The following SLC39A3 variants were observed in gnomAD, a reference collection of about 807,000 sequenced individuals.
The protein encoded by SLC39A3 is solute carrier family 39 member 3, also known as zinc transporter ZIP3.
In SLC39A3, 3 loss-of-function variants were observed where a neutral mutation model predicts 5.1. The observed-to-expected ratio is 0.59, with a 90% confidence interval of 0.27 to 1.54. SLC39A3 has a LOEUF of 1.54. SLC39A3 is among the 40% of genes most tolerant of loss of function. The pLI is 0.12. For missense variants in SLC39A3, 412 were observed against 436.4 expected (o/e 0.94, Z 0.50); for synonymous variants, 250 against 218.8 (o/e 1.14, Z -1.26).
Position 2,733,086 on chromosome 19 carries a change from C to T in SLC39A3, c.610G>A (p.Val204Met). The T allele has an allele frequency of 6.2e-7, 1 of 1,610,510 alleles. No individual in the cohort carries two copies. The highest frequency in any genetic ancestry group is 1.3e-5 in the African/African-American group (1 of 74,868). ...GCCACCAGTGTCTCGTGGACGGCCA[C>T]CCCCACGAACAGGCTCACCACTTTC... ...GEKVVSLFVG[V>M]AVHETLVAVA... Residue 204 changes from valine (V) to methionine (M), a missense_variant, in exon 3 of 3, where the codon GTG becomes ATG. By Grantham distance (21) the Val-to-Met change is conservative (BLOSUM62 1). Transcript: ENST00000269740. This position sits in a 1 kb window ranked among gnomAD's most constrained non-coding sequence, Gnocchi z 6.1.
chr19:2,738,504 G>A (rs768191703), intron 1 of SLC39A3, among the ~76,000 whole-genome samples: 7 of 152,104 alleles, frequency 4.6e-5, no homozygotes, highest in Non-Finnish European at 7.3e-5. Flanking sequence ...CGTGCCTCAG[G>A]ACCTCTGCAT....
intron 1 of SLC39A3, chr19:2,739,285 T>G (rs1254621625): frequency 6.6e-6 from 1 of 151,964 alleles, no homozygotes; most frequent in Non-Finnish European, 1.5e-5. Context: ...CCTGATGCAA[T>G]GGGCCAAAGT....
chr19:2,732,557 T>A lies in SLC39A3; in HGVS notation c.*194A>T. ...AGACTTTTAAGAGAAAGAAGTATTT[T>A]AAAAAGTAGCAGTGCTCTGAGGCTC... On this transcript the variant is annotated 3_prime_UTR_variant, in exon 3 of 3. Transcript: ENST00000269740. 7.0e-7 allele frequency: 1 copy of A among 1,426,564 alleles called. No homozygotes were observed. Among genetic ancestry groups the A allele is most frequent in the Non-Finnish European group, 9.1e-7 (1 of 1,094,974 alleles). The allele number at this position is 1,426,564 out of a possible 1,614,324, so 88.4% of individuals were successfully genotyped here. A position where few individuals can be genotyped will look rare whatever the true frequency, so the allele number is the denominator to read the frequency against.
In SLC39A3 at chr19:2,735,316, A is replaced by T. The variant is rs1418090067; in HGVS notation, c.210+1732T>A. 1 of 683,544 alleles carries T rather than the reference A, an allele frequency of 1.5e-6. No individual in the cohort carries two copies. The highest frequency in any genetic ancestry group is 1.8e-6 in the Non-Finnish European group (1 of 554,462). 42.3% of individuals were successfully genotyped at this position (683,544 alleles called of 1,614,324 possible). A position where few individuals can be genotyped will look rare whatever the true frequency, so the allele number is the denominator to read the frequency against. On this transcript the variant is annotated intron_variant, in intron 2 of 2. Transcript: ENST00000269740. The surrounding 1 kb of genome is among the most constrained non-coding windows in gnomAD (Gnocchi z 5.7). ...GCAGGAATGCGGTGTCTCGGCTCTG[A>T]ACGGTGGAAATCCAGGTGCGGGCTA...
intron 1 of SLC39A3, among the ~76,000 whole-genome samples, chr19:2,738,727 G>C (rs184082311): frequency 6.6e-6 from 1 of 151,882 alleles, no homozygotes; most frequent in South Asian, 2.1e-4. Flanking sequence ...ACCTGAGGTC[G>C]AGAGTTCAAG....
chr19:2,737,553 G>A (rs10424305), intron 1 of SLC39A3, 174 bp from the exon 2 acceptor site: 117,787 of 369,494 alleles, frequency 0.32, 21,798 homozygotes, highest in East Asian at 0.56. Flanking sequence ...TTACAGACAC[G>A]CGCCACCACT....
Position 2,737,190 on chromosome 19 carries a change from G to T in SLC39A3, c.68C>A (p.Ser23Tyr). ...CTCGATGATCTTCACGGGGAGCAGG[G>T]AGCCGAGCAGCATGAAGAAGAACAC... Reference protein sequence around the residue: ...VGVFFFMLLGSLLPVKIIETD... With the variant: ...VGVFFFMLLGYLLPVKIIETD... Residue 23 changes from serine to tyrosine, a missense_variant, in exon 2 of 3, where the codon TCC becomes TAC. Ser to Tyr is a moderately radical substitution (Grantham distance 144). Transcript: ENST00000269740. 1.2e-6 allele frequency: 2 copies of T among 1,614,140 alleles called. No homozygotes were observed. Among genetic ancestry groups the T allele is most frequent in the Non-Finnish European group, 1.7e-6 (2 of 1,180,032 alleles).
At chr19:2,739,704 G>C (rs943463009) in intron 1 of SLC39A3, among the ~76,000 whole-genome samples, 4 of 152,188 alleles carry the variant, frequency 2.6e-5, no homozygotes, top group Admixed American at 2.0e-4. Flanking sequence ...GGATACCTCA[G>C]TCTGTACAGT....
At chr19:2,736,116 C>A (rs908925729) in intron 2 of SLC39A3, 1 of 985,438 alleles carries the variant, frequency 1.0e-6, no homozygotes, top group African/African-American at 1.7e-5. Flanking sequence ...GGGACCCACA[C>A]TCTGGGCTGC....
At position 2,733,016 on chromosome 19, in the gene SLC39A3, C is replaced by A; in HGVS notation, c.680G>T (p.Arg227Leu). 1 of 1,602,628 alleles carries A rather than the reference C, an allele frequency of 6.2e-7. No individual in the cohort carries two copies. Among genetic ancestry groups the A allele is most frequent in the Non-Finnish European group, 8.5e-7 (1 of 1,174,276 alleles). ...GGTGACCGCCAGCTTGGCCGCGTCC[C>A]GCAGGGGCATGGCACTCCGGGCCAT... ...ISMARSAMPLRDAAKLAVTVS... is the reference protein window; with the variant it reads ...ISMARSAMPLLDAAKLAVTVS... Residue 227 changes from arginine to leucine, a missense_variant, in exon 3 of 3, where the codon CGG becomes CTG. Transcript: ENST00000269740. The surrounding 1 kb of genome is among the most constrained non-coding windows in gnomAD (Gnocchi z 6.1).
Position 2,737,103 on chromosome 19 carries a change from C to G in SLC39A3, c.155G>C (p.Gly52Ala), listed in dbSNP as rs750777835. 2.5e-6 allele frequency: 4 copies of G among 1,614,086 alleles called. No individual in the cohort carries two copies. The highest frequency in any genetic ancestry group is 3.4e-6 in the Non-Finnish European group (4 of 1,180,046). Residue 52 changes from glycine to alanine, a missense_variant, in exon 2 of 3, where the codon GGA (glycine) becomes GCA (alanine). By Grantham distance (60) the Gly-to-Ala change is moderately conservative. Coordinates refer to ENST00000269740, the MANE Select transcript of SLC39A3 (RefSeq NM_144564.5). ...KILSLCNTFG[G>A]GVFLATCFNA... ...GAAGCACGTGGCCAGAAACACCCCT[C>G]CTCCAAAGGTGTTGCAGAGAGAGAG... is the stretch of plus-strand genomic sequence containing the variant.
chr19:2,738,575 CCTT>C (rs1398904883), intron 1 of SLC39A3, among the ~76,000 whole-genome samples: 10 of 152,120 alleles, frequency 6.6e-5, no homozygotes, highest in African/African-American at 2.4e-4. Flanking sequence ...AGCGAGGCCT[CCTT>C]CTTCTTTCTT....
Position 2,732,874 on chromosome 19 carries a change from G to C in SLC39A3, c.822C>G (p.Leu274=). The C allele has an allele frequency of 2.5e-6, 4 of 1,612,022 alleles. No individual in the cohort carries two copies. The highest frequency in any genetic ancestry group is 3.4e-6 in the Non-Finnish European group (4 of 1,179,442). Reference sequence around the variant, plus strand: ...CCAGGATCTCCAGGAAGGTGATGAAGAGGAAGGTGCCGCCCGCCAGGCCCT... The same window carrying C: ...CCAGGATCTCCAGGAAGGTGATGAACAGGAAGGTGCCGCCCGCCAGGCCCT... ...LLQGLAGGTF[L]FITFLEILAK... The change falls in exon 3 of 3, where the codon CTC becomes CTG. Residue 274 remains leucine, a synonymous_variant. Coordinates refer to ENST00000269740, the MANE Select transcript of SLC39A3 (RefSeq NM_144564.5).
chr19:2,739,669 C>A (rs1914487185), intron 1 of SLC39A3, among the ~76,000 whole-genome samples: 1 of 152,210 alleles, frequency 6.6e-6, no homozygotes. Context: ...ACAGTAGGCG[C>A]CCAATAAAGA....
rs753490627 is a variant in SLC39A3 at position 2,737,282 on chromosome 19, C to T, written c.-25G>A. On this transcript the variant is annotated 5_prime_UTR_variant, in exon 2 of 3. Coordinates refer to ENST00000269740, the MANE Select transcript of SLC39A3 (RefSeq NM_144564.5). ...TGGTGGCGGCTTGGGCTGCTCTGGTCACTGCAGGGCCAAACCATCTGTGGG... is the reference window on the plus strand; with the variant it reads ...TGGTGGCGGCTTGGGCTGCTCTGGTTACTGCAGGGCCAAACCATCTGTGGG... The T allele has an allele frequency of 5.1e-5, 81 of 1,583,250 alleles. 2 individuals carry two copies. The East Asian group carries it at 1.7e-3, about 33-fold the overall frequency.
chr19:2,736,766 G>A, intron 2 of SLC39A3: 6 of 1,439,298 alleles, frequency 4.2e-6, no homozygotes, highest in Non-Finnish European at 4.6e-6. Flanking sequence ...TCAGGACAGA[G>A]TGTGCCCTAC....
chr19:2,736,849 C>T, intron 2 of SLC39A3, 199 bp downstream of exon 2: 1 of 1,481,744 alleles, frequency 6.7e-7, no homozygotes, highest in Admixed American at 2.3e-5. Context: ...CAGGTCTGGT[C>T]CAAACCCCTT....
rs776650984 is a variant in SLC39A3 at position 2,733,170 on chromosome 19, C to T, written c.526G>A (p.Ala176Thr). 2 of 1,609,936 alleles carry T rather than the reference C, an allele frequency of 1.2e-6. No individual in the cohort carries two copies. The highest frequency in any genetic ancestry group is 1.7e-6 in the Non-Finnish European group (2 of 1,178,618). The change falls in exon 3 of 3, where the codon GCG becomes ACG. Residue 176 changes from alanine (A) to threonine (T), a missense_variant. By Grantham distance (58) the Ala-to-Thr change is moderately conservative (BLOSUM62 0). Transcript: ENST00000269740. The surrounding 1 kb of genome is among the most constrained non-coding windows in gnomAD (Gnocchi z 6.1). Reference protein sequence around the residue: ...SPVRLLSLAFALSAHSVFEGL... With the variant: ...SPVRLLSLAFTLSAHSVFEGL... Reference sequence around the variant, plus strand: ...TCAAAGACCGAGTGGGCCGACAGCGCGAAGGCCAGGCTGAGCAGGCGCACG... The same window carrying T: ...TCAAAGACCGAGTGGGCCGACAGCGTGAAGGCCAGGCTGAGCAGGCGCACG...
In SLC39A3 at chr19:2,732,985, G is replaced by A. The variant is rs759353931; in HGVS notation, c.711C>T (p.Ser237=). The A allele has an allele frequency of 6.9e-6, 11 of 1,600,536 alleles. No homozygotes were observed. The highest frequency in any genetic ancestry group is 1.1e-5 in the South Asian group (1 of 90,200). Residue 237 remains serine, a synonymous_variant, in exon 3 of 3, where the codon AGC becomes AGT. Transcript: ENST00000269740. ...RDAAKLAVTV[S]AMIPLGIGLG... ...GGCCGATGCCCAGGGGGATCATGGC[G>A]CTTACGGTGACCGCCAGCTTGGCCG...
Sources: gnomAD v4.1 joint callset for allele counts (sites outside exome capture counted in the v4.1 genomes callset) on GRCh38, gnomAD v4.1.1 for gene constraint, Gnocchi (gnomAD v3.1) non-coding constraint, MANE v1.5 for transcripts, NCBI Gene and HGNC (gene_info 2026-07-23, HGNC 2026-07-21) for gene names.